SYNE2: variants seen among roughly 807,000 people sequenced by gnomAD.
SYNE2 encodes the protein nesprin-2.
Under a neutral mutation model 856.3 loss-of-function variants are expected in SYNE2, and 431 were observed. The observed-to-expected ratio is 0.50, with a 90% CI of 0.47 to 0.55. The LOEUF is 0.55. Among genes scored for constraint, SYNE2 ranks in the 20% least tolerant of loss-of-function variants. The pLI is 0.00. For synonymous variants in SYNE2, 2,923 were observed against 2,872.3 expected, an observed-to-expected ratio of 1.02 and a Z score of -0.56; for missense variants, 8,129 against 8,023.2, an observed-to-expected ratio of 1.01 and a Z score of -0.50.
At chr14:64,000,759 T>A (rs764738823) in intron 28 of SYNE2, 40 bp downstream of exon 28, 1 of 1,573,876 alleles carries the variant, frequency 6.4e-7, no homozygotes, top group Non-Finnish European at 8.7e-7. Context: ...TCTAATAAAC[T>A]CACTAAATCC....
chr14:64,023,913 A>T (rs1489647322), intron 38 of SYNE2: 3 of 294,264 alleles, frequency 1.0e-5, no homozygotes, highest in Non-Finnish European at 2.0e-5. Context: ...AAACCTTGAA[A>T]CGTAAACATT....
chr14:64,031,949 T>C (rs552246603), intron 45 of SYNE2, among the ~76,000 whole-genome samples: 5 of 152,190 alleles, frequency 3.3e-5, no homozygotes, highest in South Asian at 2.1e-4. Context: ...AGGTTACAGA[T>C]TGAAATGGGA....
intron 2 of SYNE2, among the ~76,000 whole-genome samples, chr14:63,916,486 G>A (rs185754774): frequency 6.6e-6 from 1 of 152,218 alleles, no homozygotes; most frequent in East Asian, 1.9e-4. Context: ...AGTTGTTATT[G>A]CCAATCAAGT....
At chr14:63,815,214 A>ATGGATATATATATATATATC (rs1888916321) in intron 1 of SYNE2, among the ~76,000 whole-genome samples, 1 of 140,530 alleles carries the variant, frequency 7.1e-6, no homozygotes, top group Non-Finnish European at 1.5e-5. Flanking sequence ...CCATATATAT[A>ATGGATATATATATATATATC]TCCATATATA....
intron 1 of SYNE2, among the ~76,000 whole-genome samples, chr14:63,843,234 G>T (rs1364351225): frequency 6.6e-6 from 1 of 151,756 alleles, no homozygotes; most frequent in Non-Finnish European, 1.5e-5. Flanking sequence ...TGTGTGTTTT[G>T]TAGAGAGGGG....
intron 49 of SYNE2, among the ~76,000 whole-genome samples, chr14:64,060,241 G>A (rs1270847514): frequency 1.3e-5 from 2 of 152,162 alleles, no homozygotes; most frequent in Non-Finnish European, 2.9e-5. Flanking sequence ...CACCACAGCT[G>A]TGAATGTGCT....
chr14:63,851,898 C>A (rs1890493456), upstream of SYNE2, among the ~76,000 whole-genome samples: 1 of 146,470 alleles, frequency 6.8e-6, no homozygotes, highest in Non-Finnish European at 1.5e-5. Flanking sequence ...GCTTGGGCAA[C>A]ACAGCCAAAC....
intron 53 of SYNE2, 99 bp from the exon 54 acceptor site, chr14:64,075,846 C>T: frequency 7.2e-7 from 1 of 1,380,762 alleles, no homozygotes; most frequent in Non-Finnish European, 1.0e-6. Context: ...AACTGCACTC[C>T]TTTAAATCAT....
intron 1 of SYNE2, among the ~76,000 whole-genome samples, chr14:63,875,955 T>C (rs2094706036): frequency 6.6e-6 from 1 of 152,072 alleles, no homozygotes; most frequent in Non-Finnish European, 1.5e-5. Context: ...AAGTGCATGT[T>C]GCAAGGGGTG....
At chr14:64,221,244 C>A (rs1274652484) in intron 111 of SYNE2, among the ~76,000 whole-genome samples, 1 of 152,136 alleles carries the variant, frequency 6.6e-6, no homozygotes, top group African/African-American at 2.4e-5. Context: ...TGGGTTGTTT[C>A]CCTCTGCCAC....
chr14:63,814,505 AAT>A lies in SYNE2; in HGVS notation c.-304-37987_-304-37986del, dbSNP rs1048814270. 6.4e-3 allele frequency among the ~76,000 whole-genome samples: 442 copies of A among 69,088 alleles called. 3 individuals are homozygous for A. The highest frequency in any genetic ancestry group is 0.018 in the African/African-American group (389 of 22,200). 45.3% of individuals were successfully genotyped at this position (69,088 alleles called of 152,430 possible). On this transcript the variant is annotated intron_variant, in intron 1 of 23. Coordinates refer to the SYNE2 transcript ENST00000674003. ...TATCCTTATATATATCCATATATAT[AAT>A]ATATATATCCATTATATATATCCAT...
chr14:64,040,734 G>A (rs2097142535), intron 45 of SYNE2, among the ~76,000 whole-genome samples: 1 of 150,346 alleles, frequency 6.7e-6, no homozygotes, highest in Non-Finnish European at 1.5e-5. Context: ...AAGAGAGCCA[G>A]AGGCTATACT....
chr14:64,050,894 G>A lies in SYNE2; in HGVS notation c.7644-663G>A, dbSNP rs149971399. ...AAATTAGCCAGGCATCATGGCATACGTCTGTTATTCTAGCTACTTGGGAGG... is the reference window on the plus strand; with the variant it reads ...AAATTAGCCAGGCATCATGGCATACATCTGTTATTCTAGCTACTTGGGAGG... On this transcript the variant is annotated intron_variant, in intron 47 of 115. Transcript: ENST00000555002. Among the ~76,000 whole-genome samples, 491 of 151,792 alleles carry A rather than the reference G, an allele frequency of 3.2e-3. 1 individual carries two copies. The highest frequency in any genetic ancestry group is 0.011 in the African/African-American group (469 of 41,378).
intron 1 of SYNE2, among the ~76,000 whole-genome samples, chr14:63,831,709 C>T (rs1889675949): frequency 6.6e-6 from 1 of 151,766 alleles, no homozygotes; most frequent in Non-Finnish European, 1.5e-5. Context: ...GCATGCACCA[C>T]CACACCTGGC....
chr14:64,171,402 A>T (rs2098409926), intron 94 of SYNE2, among the ~76,000 whole-genome samples: 1 of 152,020 alleles, frequency 6.6e-6, no homozygotes, highest in Admixed American at 6.6e-5. Context: ...CAAAGTAGTA[A>T]ACCAGAATAA....
chr14:64,020,042 G>A lies in SYNE2; in HGVS notation c.5100G>A (p.Val1700=), dbSNP rs376691167. ...AAACTTCAGAATTTTCTAGAAGAGTGGCTGAAATACAGTTTTTGCTCCAAA... is the reference window on the plus strand; with the variant it reads ...AAACTTCAGAATTTTCTAGAAGAGTAGCTGAAATACAGTTTTTGCTCCAAA... ...EQKTSEFSRR[V]AEIQFLLQSS... The change falls in exon 35 of 116, where the codon GTG becomes GTA. Residue 1700 remains valine, a synonymous_variant. Transcript: ENST00000555002. 3.4e-5 allele frequency: 55 copies of A among 1,614,002 alleles called. No individual in the cohort carries two copies. The African/African-American group carries it at 6.0e-4, about 18-fold the overall frequency.
chr14:64,219,571 A>T (rs1378968440), intron 110 of SYNE2, among the ~76,000 whole-genome samples, 161 bp downstream of exon 110: 1 of 152,192 alleles, frequency 6.6e-6, no homozygotes, highest in South Asian at 2.1e-4. Flanking sequence ...GTTGGCAAGG[A>T]CATAGATGCA....
intron 74 of SYNE2, 27 bp downstream of exon 74, chr14:64,128,580 G>C (rs766041429): frequency 7.0e-7 from 1 of 1,427,510 alleles, no homozygotes; most frequent in Non-Finnish European, 9.9e-7. Context: ...AATTCAGACT[G>C]ACTTAACTTT....
At chr14:64,223,945 C>G (rs2098706314) in intron 113 of SYNE2, among the ~76,000 whole-genome samples, 1 of 152,170 alleles carries the variant, frequency 6.6e-6, no homozygotes, top group African/African-American at 2.4e-5. Flanking sequence ...CAGCTCTGTG[C>G]TATGGGTTGG....
Sources: allele counts gnomAD v4.1 joint callset (sites outside exome capture counted in the v4.1 genomes callset), GRCh38; gene constraint gnomAD v4.1.1; transcripts MANE v1.5; gene names NCBI Gene and HGNC (gene_info 2026-07-23, HGNC 2026-07-21).